The following NLRP11 variants were observed in gnomAD, a reference collection of about 807,000 sequenced individuals.
NLRP11 encodes NLR family pyrin domain containing 11, also known as NACHT, LRR and PYD domains-containing protein 11.
In NLRP11, 53 loss-of-function variants were observed where a neutral mutation model predicts 79.3. That is an observed-to-expected ratio of 0.67 (90% CI 0.54 to 0.84). The LOEUF is 0.84. NLRP11 is among the 40% of genes least tolerant of loss of function. NLRP11 has a pLI of 0.00. For missense variants in NLRP11, 1,264 were observed against 1,255.0 expected (o/e 1.01, Z -0.11); for synonymous variants, 518 against 462.6 (o/e 1.12, Z -1.54).
At chr19:55,821,203 TCTCACACACACACACACA>T (rs917610903) in intron 1 of NLRP11, among the ~76,000 whole-genome samples, 11 of 113,268 alleles carry the variant, frequency 9.7e-5, no homozygotes, top group South Asian at 2.7e-4. Flanking sequence ...TCTCTCTCTC[TCTCACACACACACACACA>T]CACACACACA....
chr19:55,809,997 TG>T lies in NLRP11; in HGVS notation c.612del (p.Lys205ArgfsTer30). On this transcript the variant is annotated frameshift_variant, in exon 3 of 10. Coordinates refer to ENST00000589093, the Ensembl canonical transcript of NLRP11. LOFTEE classifies it high-confidence loss of function. This position sits in a 1 kb window ranked among gnomAD's most constrained non-coding sequence, Gnocchi z 4.5. The stretch of plus-strand genomic sequence containing the variant: ...GGAGCCTGGCCGTCAGGCCAGTCCT[TG>T]GCGATTAGCTCAGCCAAGCTGCTGT... The T allele has an allele frequency of 2.5e-6, 4 of 1,614,224 alleles. No homozygotes were observed. Among genetic ancestry groups the T allele is most frequent in the Non-Finnish European group, 3.4e-6 (4 of 1,180,034 alleles).
chr19:55,823,707 T>C (rs1285191270), intron 1 of NLRP11, among the ~76,000 whole-genome samples: 2 of 150,310 alleles, frequency 1.3e-5, no homozygotes, highest in Non-Finnish European at 2.9e-5. Context: ...AAGGGAAGTT[T>C]AGAGAAAAAC....
chr19:55,801,984 T>TA (rs1979525216), intron 4 of NLRP11, among the ~76,000 whole-genome samples: 3 of 152,136 alleles, frequency 2.0e-5, no homozygotes, highest in Admixed American at 2.0e-4. Flanking sequence ...CTTTCTTAAG[T>TA]GGGACCCACA....
At chr19:55,818,044 A>G in exon 2 of NLRP11, 1 of 1,614,196 alleles carries the variant, frequency 6.2e-7, no homozygotes, top group Non-Finnish European at 8.5e-7. Flanking sequence ...CATCTGTATC[A>G]GTGGAAACTG....
intron 5 of NLRP11, among the ~76,000 whole-genome samples, chr19:55,798,979 G>C (rs577992772): frequency 6.6e-6 from 1 of 152,128 alleles, no homozygotes; most frequent in Non-Finnish European, 1.5e-5. Flanking sequence ...TCTAAGCCAG[G>C]CCACAAGAAA....
intron 9 of NLRP11, among the ~76,000 whole-genome samples, chr19:55,788,302 A>AT (rs1990006561): frequency 6.6e-6 from 1 of 152,032 alleles, no homozygotes; most frequent in South Asian, 2.1e-4. Context: ...TTTACTCACC[A>AT]TTGAGTACAT....
chr19:55,793,140 A>G (rs1600174410), intron 6 of NLRP11, among the ~76,000 whole-genome samples: 1 of 152,184 alleles, frequency 6.6e-6, no homozygotes, highest in Admixed American at 6.5e-5. Context: ...TTGGCCTCCC[A>G]AAGTGCCGGA....
exon 3 of NLRP11, chr19:55,810,217 T>C: frequency 6.2e-7 from 1 of 1,614,146 alleles, no homozygotes; most frequent in Non-Finnish European, 8.5e-7. Flanking sequence ...CTAATTGAAG[T>C]ATGTAGAACA....
chr19:55,829,721 A>G (rs1982568377), intron 1 of NLRP11, among the ~76,000 whole-genome samples: 1 of 152,020 alleles, frequency 6.6e-6, no homozygotes, highest in African/African-American at 2.4e-5. Context: ...AGCTCATAAA[A>G]CAGCGTTTAC....
chr19:55,836,118 T>C (rs1205691172), upstream of NLRP11, among the ~76,000 whole-genome samples: 1 of 152,196 alleles, frequency 6.6e-6, no homozygotes, highest in African/African-American at 2.4e-5. Flanking sequence ...AGTGAGACCG[T>C]ATCTAATAAT....
Position 55,810,350 on chromosome 19 carries a change from A to G in NLRP11, c.272-12T>C. Reference sequence around the variant, plus strand: ...TGCCTCCTGATTGCCTAATCCAGCGAGTACAGGGCAGAAAATACAGAACAA... The same window carrying G: ...TGCCTCCTGATTGCCTAATCCAGCGGGTACAGGGCAGAAAATACAGAACAA... On this transcript the variant is annotated splice_polypyrimidine_tract_variant and intron_variant, in intron 2 of 9. Transcript: ENST00000589093. The G allele has an allele frequency of 6.3e-7, 1 of 1,587,726 alleles. No homozygotes were observed. The highest frequency in any genetic ancestry group is 8.6e-7 in the Non-Finnish European group (1 of 1,166,016).
chr19:55,809,913 T>C lies in NLRP11; in HGVS notation c.697A>G (p.Asn233Asp), dbSNP rs59244027. Residue 233 changes from asparagine (N) to aspartate (D), a missense_variant, in exon 3 of 10, where the codon AAC (asparagine) becomes GAC (aspartate). Coordinates refer to ENST00000589093, the Ensembl canonical transcript of NLRP11. The surrounding 1 kb of genome is among the most constrained non-coding windows in gnomAD (Gnocchi z 4.5). ...TTGACATTTAACTCGAATCTTATGT[T>C]GTCCAAGTCCTCGAGGATGAAAAGG... 979 of 1,614,168 alleles carry C rather than the reference T, an allele frequency of 6.1e-4. 6 individuals are homozygous for C. The African/African-American group carries it at 0.011, about 19-fold the overall frequency.
At position 55,806,148 on chromosome 19, in the gene NLRP11, G is replaced by A. The variant is rs76493256; in HGVS notation, c.2003+1705C>T. 6.3e-3 allele frequency among the ~76,000 whole-genome samples: 963 copies of A among 152,146 alleles called. 18 individuals are homozygous for A. Among genetic ancestry groups the A allele is most frequent in the African/African-American group, 0.022 (924 of 41,532 alleles). On this transcript the variant is annotated intron_variant, in intron 4 of 9. Transcript: ENST00000589093. ...CAATCACTTTATGTTGGAGAACTCCGGGCATCAGTCTTTGGATCGTTTTGC... is the reference window on the plus strand; with the variant it reads ...CAATCACTTTATGTTGGAGAACTCCAGGCATCAGTCTTTGGATCGTTTTGC...
chr19:55,785,862 T>C lies in NLRP11; in HGVS notation c.2865A>G (p.Leu955=), dbSNP rs536704098. ...GCTGGGTTTGTGTGTTCAGGCCAGT[T>C]AATGGAAGCCTGAAGGAAAACAGAG... The change falls in exon 10 of 10, where the codon TTA becomes TTG. Residue 955 remains leucine (L), a synonymous_variant. Transcript: ENST00000589093. 4.3e-6 allele frequency: 7 copies of C among 1,612,586 alleles called. No homozygotes were observed. The African/African-American group carries it at 8.0e-5, about 18-fold the overall frequency.
At chr19:55,814,161 C>T (rs1980865637) in intron 2 of NLRP11, among the ~76,000 whole-genome samples, 1 of 152,026 alleles carries the variant, frequency 6.6e-6, no homozygotes, top group Non-Finnish European at 1.5e-5. Context: ...GAAGCGTGAA[C>T]CCTATTGTGA....
intron 4 of NLRP11, among the ~76,000 whole-genome samples, chr19:55,804,581 GAAC>G (rs1359890327): frequency 5.3e-5 from 8 of 152,164 alleles, no homozygotes; most frequent in Middle Eastern, 3.4e-3. Flanking sequence ...CTGAAGAGGA[GAAC>G]AACAGACACT....
intron 1 of NLRP11, among the ~76,000 whole-genome samples, chr19:55,819,370 C>T (rs1304728651): frequency 6.6e-6 from 1 of 152,168 alleles, no homozygotes; most frequent in Admixed American, 6.5e-5. Flanking sequence ...CCTTGGTTAT[C>T]TTTTCCCTTG....
intron 2 of NLRP11, among the ~76,000 whole-genome samples, chr19:55,812,152 G>A (rs947136628): frequency 2.6e-5 from 4 of 151,962 alleles, no homozygotes; most frequent in Admixed American, 6.6e-5. Context: ...GCATATGTAC[G>A]GATAACCCAG....
intron 1 of NLRP11, among the ~76,000 whole-genome samples, chr19:55,826,510 A>C (rs1174300946): frequency 3.0e-5 from 4 of 131,582 alleles, no homozygotes; most frequent in African/African-American, 1.2e-4. Flanking sequence ...TATATCTAGA[A>C]AACCCCATTG....
Sources: allele counts gnomAD v4.1 joint callset (sites outside exome capture counted in the v4.1 genomes callset), GRCh38; gene constraint gnomAD v4.1.1; non-coding constraint Gnocchi (gnomAD v3.1); transcripts MANE v1.5; gene names NCBI Gene and HGNC (gene_info 2026-07-23, HGNC 2026-07-21).